The following SLC39A11 variants were observed in gnomAD, a reference collection of about 807,000 sequenced individuals.
SLC39A11 encodes solute carrier family 39 member 11.
In SLC39A11, 33 loss-of-function variants were observed where a neutral mutation model predicts 36.1. The ratio of observed to expected loss-of-function variants is 0.91; its 90% CI spans 0.69 to 1.22. The LOEUF (loss-of-function observed/expected upper bound fraction) is 1.22, where lower values mean the gene tolerates loss of function less well. Among genes scored for constraint, SLC39A11 ranks in the 50% most tolerant of loss-of-function variants. SLC39A11 has a pLI of 0.00. For synonymous variants in SLC39A11, 166 were observed against 170.3 expected, an observed-to-expected ratio of 0.97 and a Z score of 0.20; for missense variants, 432 against 430.3, an observed-to-expected ratio of 1.00 and a Z score of -0.03.
chr17:72,944,387 G>A (rs949042763), intron 5 of SLC39A11, among the ~76,000 whole-genome samples: 1 of 152,130 alleles, frequency 6.6e-6, no homozygotes, highest in South Asian at 2.1e-4. Context: ...GCCTACAGAG[G>A]ATGCTATGAA....
chr17:72,751,038 G>A (rs1415827831), intron 6 of SLC39A11, among the ~76,000 whole-genome samples: 1 of 152,220 alleles, frequency 6.6e-6, no homozygotes, highest in Non-Finnish European at 1.5e-5. Context: ...CCTGAGGTCA[G>A]GAGTTCAAGA....
At chr17:72,906,270 G>A (rs1394515243) in intron 5 of SLC39A11, among the ~76,000 whole-genome samples, 1 of 152,268 alleles carries the variant, frequency 6.6e-6, no homozygotes, top group Non-Finnish European at 1.5e-5. Context: ...GTCCACGGGA[G>A]AAGAGGAGGA....
Position 72,652,289 on chromosome 17 carries a change from C to G in SLC39A11, c.672-3021G>C, listed in dbSNP as rs7218320. Among the ~76,000 whole-genome samples, 677 of 152,330 alleles carry G rather than the reference C, an allele frequency of 4.4e-3. 6 individuals are homozygous for G. Among genetic ancestry groups the G allele is most frequent in the African/African-American group, 0.016 (649 of 41,576 alleles). On this transcript the variant is annotated intron_variant, in intron 7 of 9. Coordinates refer to ENST00000255559, the MANE Select transcript of SLC39A11 (RefSeq NM_139177.4). ...AACCACAGACCCTGGGCATTGCAGA[C>G]CCTATCTCTTCTTATGTTCTCATGG... is the stretch of plus-strand genomic sequence containing the variant.
chr17:73,041,797 C>G (rs562041128), intron 3 of SLC39A11, among the ~76,000 whole-genome samples: 1 of 152,374 alleles, frequency 6.6e-6, no homozygotes, highest in East Asian at 1.9e-4. Flanking sequence ...CTGAAAGGGA[C>G]TGGAGAAAAC....
chr17:72,783,869 C>T (rs1371530495), intron 6 of SLC39A11, among the ~76,000 whole-genome samples: 2 of 152,090 alleles, frequency 1.3e-5, no homozygotes, highest in Non-Finnish European at 2.9e-5. Flanking sequence ...CTCCATGCCC[C>T]CTAGCACACC....
At chr17:72,654,452 C>T (rs928536893) in intron 7 of SLC39A11, among the ~76,000 whole-genome samples, 5 of 152,326 alleles carry the variant, frequency 3.3e-5, no homozygotes, top group Admixed American at 2.6e-4. Flanking sequence ...TGACCCTGAG[C>T]TCCTATTCCA....
intron 7 of SLC39A11, among the ~76,000 whole-genome samples, chr17:72,726,476 A>T (rs973625260): frequency 1.3e-5 from 2 of 152,152 alleles, no homozygotes; most frequent in Non-Finnish European, 2.9e-5. Context: ...GTGCCACTGC[A>T]CTGCGGCCTG....
intron 7 of SLC39A11, among the ~76,000 whole-genome samples, chr17:72,703,933 G>C (rs1023031528): frequency 1.3e-5 from 2 of 152,188 alleles, no homozygotes; most frequent in African/African-American, 4.8e-5. Flanking sequence ...TTCAAGACCA[G>C]CCTGGCCAAC....
At chr17:72,760,889 A>G (rs1343248072) in intron 6 of SLC39A11, among the ~76,000 whole-genome samples, 2 of 152,118 alleles carry the variant, frequency 1.3e-5, no homozygotes, top group African/African-American at 4.8e-5. Flanking sequence ...TCCTCTGGCC[A>G]AGGCAGCTGC....
intron 4 of SLC39A11, among the ~76,000 whole-genome samples, chr17:72,982,264 T>C (rs916598212): frequency 3.9e-5 from 6 of 152,180 alleles, no homozygotes; most frequent in African/African-American, 1.4e-4. Context: ...CTTGAGAATT[T>C]CTGTAAAAGG....
Position 72,649,254 on chromosome 17 carries a change from C to A in SLC39A11, c.686G>T (p.Gly229Val). Residue 229 changes from glycine to valine, a missense_variant, in exon 8 of 10, where the codon GGA (glycine) becomes GTA (valine). Physicochemically the swap from Gly to Val is moderately radical, Grantham distance 109 (BLOSUM62 -3). Coordinates refer to ENST00000255559, the MANE Select transcript of SLC39A11 (RefSeq NM_139177.4). ...CTCGGGGAAATTCTGGATCCCGATTCCAATGGCCAAATTCCTGAAAAACCA... is the reference window on the plus strand; with the variant it reads ...CTCGGGGAAATTCTGGATCCCGATTACAATGGCCAAATTCCTGAAAAACCA... ...TFESARNLAIGIGIQNFPEGL... is the reference protein window; with the variant it reads ...TFESARNLAIVIGIQNFPEGL... The A allele has an allele frequency of 6.2e-7, 1 of 1,614,156 alleles. No homozygotes were observed. The highest frequency in any genetic ancestry group is 8.5e-7 in the Non-Finnish European group (1 of 1,180,012).
chr17:73,014,983 C>A (rs1452886205), intron 4 of SLC39A11, among the ~76,000 whole-genome samples: 1 of 152,222 alleles, frequency 6.6e-6, no homozygotes, highest in Non-Finnish European at 1.5e-5. Context: ...AGGTACCTCA[C>A]TGTCAACCTA....
At chr17:73,059,229 G>A (rs1210323349) in intron 3 of SLC39A11, among the ~76,000 whole-genome samples, 1 of 152,110 alleles carries the variant, frequency 6.6e-6, no homozygotes, top group Admixed American at 6.5e-5. Flanking sequence ...TGTTCTAGGA[G>A]GAAGCACATA....
Position 72,849,696 on chromosome 17 carries a change from C to T in SLC39A11, c.539G>A (p.Gly180Asp). 1 of 1,610,460 alleles carries T rather than the reference C, an allele frequency of 6.2e-7. No individual in the cohort carries two copies. Among genetic ancestry groups the T allele is most frequent in the Non-Finnish European group, 8.5e-7 (1 of 1,178,578 alleles). The change falls in exon 6 of 10, where the codon GGC becomes GAC. Residue 180 changes from glycine to aspartate, a missense_variant. Transcript: ENST00000255559. ...TGCGATCCTCCTCCAGCTGCTGCCG[C>T]CGGGCTGTGCCAGATTCCCTCGAGA... ...VPSRGNLAQP[G>D]GSSWRRIALL...
chr17:72,895,221 T>C (rs942807435), intron 5 of SLC39A11, among the ~76,000 whole-genome samples: 2 of 152,074 alleles, frequency 1.3e-5, no homozygotes, highest in Non-Finnish European at 2.9e-5. Context: ...AGAAGGCAGC[T>C]TGGAAAATCA....
At chr17:72,860,779 T>G (rs78706743) in intron 5 of SLC39A11, among the ~76,000 whole-genome samples, 6,127 of 152,318 alleles carry the variant, frequency 0.04, 405 homozygotes, top group African/African-American at 0.14. Flanking sequence ...CTGGGCCAAC[T>G]GCATTCACTC....
intron 4 of SLC39A11, among the ~76,000 whole-genome samples, chr17:73,014,273 A>T (rs1481266855): frequency 6.6e-6 from 1 of 152,184 alleles, no homozygotes; most frequent in Non-Finnish European, 1.5e-5. Flanking sequence ...GGGGAGGAAT[A>T]TGTTGCTGGG....
chr17:72,670,922 T>C (rs569987639), intron 7 of SLC39A11, among the ~76,000 whole-genome samples: 34 of 152,332 alleles, frequency 2.2e-4, no homozygotes, highest in South Asian at 8.3e-4. Flanking sequence ...CCAGAGGCGC[T>C]CACTGTTACT....
intron 7 of SLC39A11, among the ~76,000 whole-genome samples, chr17:72,680,545 C>T (rs1453292547): frequency 1.3e-5 from 2 of 152,222 alleles, no homozygotes; most frequent in African/African-American, 4.8e-5. Flanking sequence ...CCATGTAAGA[C>T]ATGATTTTGC....
Sources: allele counts gnomAD v4.1 joint callset (sites outside exome capture counted in the v4.1 genomes callset), GRCh38; gene constraint gnomAD v4.1.1; transcripts MANE v1.5; gene names NCBI Gene and HGNC (gene_info 2026-07-23, HGNC 2026-07-21).